The following JAKMIP1 variants were observed in gnomAD, a reference collection of about 807,000 sequenced individuals.
JAKMIP1 encodes janus kinase and microtubule-interacting protein 1.
A neutral mutation model predicts 113.0 loss-of-function variants in JAKMIP1; 33 were observed. The ratio of observed to expected loss-of-function variants is 0.29; its 90% CI spans 0.22 to 0.39. The LOEUF is 0.39. Ranked by LOEUF, JAKMIP1 falls within the 10% of genes least tolerant of loss-of-function variation. The pLI is 1.00. For synonymous variants in JAKMIP1, 480 were observed against 459.9 expected, an observed-to-expected ratio of 1.04 and a Z score of -0.56; for missense variants, 813 against 1,080.5, an observed-to-expected ratio of 0.75 and a Z score of 3.47.
At position 6,138,484 on chromosome 4, in the gene JAKMIP1, G is replaced by T. The variant is rs964249742; in HGVS notation, c.-147-25487C>A. Among the ~76,000 whole-genome samples the T allele has an allele frequency of 6.6e-6, 1 of 151,662 alleles. No individual in the cohort carries two copies. Among genetic ancestry groups the T allele is most frequent in the Non-Finnish European group, 1.5e-5 (1 of 68,018 alleles). On this transcript the variant is annotated intron_variant, in intron 1 of 20. Coordinates refer to ENST00000409021, the MANE Select transcript of JAKMIP1 (RefSeq NM_001099433.2). This position sits in a 1 kb window ranked among gnomAD's most constrained non-coding sequence, Gnocchi z 6.0. Reference sequence around the variant, plus strand: ...ACTCCTGACCTCACGTGATCCACCTGCCTCGGCCTCCCAAAATGCTGGGAT... The same window carrying T: ...ACTCCTGACCTCACGTGATCCACCTTCCTCGGCCTCCCAAAATGCTGGGAT...
At position 6,065,878 on chromosome 4, in the gene JAKMIP1, T is replaced by C. The variant is rs1200481572; in HGVS notation, c.1303-870A>G. On this transcript the variant is annotated intron_variant, in intron 8 of 20. Transcript: ENST00000409021. This position sits in a 1 kb window ranked among gnomAD's most constrained non-coding sequence, Gnocchi z 5.1. ...CACGGGGCAGGCCTGGGGAATACAA[T>C]AGGATCATAACCAGGCCAGGTCCCT... is the stretch of plus-strand genomic sequence containing the variant. 1.3e-5 allele frequency among the ~76,000 whole-genome samples: 2 copies of C among 152,232 alleles called. No homozygotes were observed. The highest frequency in any genetic ancestry group is 1.9e-4 in the East Asian group (1 of 5,168).
Position 6,167,185 on chromosome 4 carries a change from T to C in JAKMIP1, c.-148+33068A>G, listed in dbSNP as rs1367427513. Among the ~76,000 whole-genome samples the C allele has an allele frequency of 6.6e-6, 1 of 152,170 alleles. No homozygotes were observed. The highest frequency in any genetic ancestry group is 1.5e-5 in the Non-Finnish European group (1 of 68,026). ...GGCCCTGCCTCCGCAAAGAGCACGA[T>C]GTTCTGGCCACTCATCCAGACCCAG... On this transcript the variant is annotated intron_variant, in intron 1 of 20. Transcript: ENST00000409021. This position sits in a 1 kb window ranked among gnomAD's most constrained non-coding sequence, Gnocchi z 5.3.
chr4:6,147,560 T>C (rs1721008774), intron 1 of JAKMIP1, among the ~76,000 whole-genome samples: 1 of 152,162 alleles, frequency 6.6e-6, no homozygotes. Context: ...TATGACTAGA[T>C]GGCTCCAAAC....
Position 6,106,441 on chromosome 4 carries a change from A to C in JAKMIP1, c.130-474T>G, listed in dbSNP as rs376146692. ...ACCATTCTTGTTGAGTGGGGTCCCT[A>C]GCTGGGCTGGGGGCTCCAATGCATC... On this transcript the variant is annotated intron_variant, in intron 2 of 20. Transcript: ENST00000409021. This position sits in a 1 kb window ranked among gnomAD's most constrained non-coding sequence, Gnocchi z 5.9. Among the ~76,000 whole-genome samples the C allele has an allele frequency of 2.7e-4, 41 of 152,160 alleles. No homozygotes were observed. In the East Asian group the frequency reaches 5.0e-3, roughly 19 times the overall value.
rs1717752035 is a variant in JAKMIP1 at position 6,064,395 on chromosome 4, G to T, written c.1431+485C>A. Among the ~76,000 whole-genome samples the T allele has an allele frequency of 6.6e-6, 1 of 152,198 alleles. No individual in the cohort carries two copies. The highest frequency in any genetic ancestry group is 1.5e-5 in the Non-Finnish European group (1 of 68,048). Reference sequence around the variant, plus strand: ...GACAGGGTGAGGCGGTGACCTTGGGGTGATGGGACTTCAGGGCTCTTCACC... The same window carrying T: ...GACAGGGTGAGGCGGTGACCTTGGGTTGATGGGACTTCAGGGCTCTTCACC... On this transcript the variant is annotated intron_variant, in intron 9 of 20. Coordinates refer to ENST00000409021, the MANE Select transcript of JAKMIP1 (RefSeq NM_001099433.2). This position sits in a 1 kb window ranked among gnomAD's most constrained non-coding sequence, Gnocchi z 4.3.
intron 3 of JAKMIP1, among the ~76,000 whole-genome samples, chr4:6,090,371 C>CT (rs1200207927): frequency 2.0e-5 from 3 of 152,198 alleles, no homozygotes; most frequent in African/African-American, 7.2e-5. Flanking sequence ...CCAGAAAACA[C>CT]TTTCACCCTA....
intron 1 of JAKMIP1, among the ~76,000 whole-genome samples, chr4:6,148,831 GC>G (rs1464410086): frequency 6.6e-6 from 1 of 152,260 alleles, no homozygotes; most frequent in African/African-American, 2.4e-5. Flanking sequence ...CCTAGAAGAA[GC>G]CCCCGTTTTA....
rs1015621888 is a variant in JAKMIP1 at position 6,061,442 on chromosome 4, A to T, written c.1560+870T>A. On this transcript the variant is annotated intron_variant, in intron 10 of 20. Coordinates refer to ENST00000409021, the MANE Select transcript of JAKMIP1 (RefSeq NM_001099433.2). The surrounding 1 kb of genome is among the most constrained non-coding windows in gnomAD (Gnocchi z 5.3). Reference sequence around the variant, plus strand: ...CTCTCCTCTCTGCCTTTGCCATCAGATTTGCCAGGCAATGCCCCATTCTGG... The same window carrying T: ...CTCTCCTCTCTGCCTTTGCCATCAGTTTTGCCAGGCAATGCCCCATTCTGG... Among the ~76,000 whole-genome samples the T allele has an allele frequency of 5.3e-5, 8 of 152,036 alleles. No homozygotes were observed. The highest frequency in any genetic ancestry group is 1.9e-4 in the African/African-American group (8 of 41,380).
rs1715483564 is a variant in JAKMIP1, at chr4:6,050,217, C to T, written c.1909-345G>A. Reference sequence around the variant, plus strand: ...CTACAGAACCTTGCTGCATGCCAGGCAGAGGGCCAGGCACTTGGAGTCTGT... The same window carrying T: ...CTACAGAACCTTGCTGCATGCCAGGTAGAGGGCCAGGCACTTGGAGTCTGT... On this transcript the variant is annotated intron_variant, in intron 14 of 20. Transcript: ENST00000409021. The surrounding 1 kb of genome is among the most constrained non-coding windows in gnomAD (Gnocchi z 7.4). Among the ~76,000 whole-genome samples the T allele has an allele frequency of 6.6e-6, 1 of 152,204 alleles. No individual in the cohort carries two copies. The highest frequency in any genetic ancestry group is 1.5e-5 in the Non-Finnish European group (1 of 68,044).
At chr4:6,117,098 C>T (rs969135874) in intron 1 of JAKMIP1, among the ~76,000 whole-genome samples, 2 of 152,206 alleles carry the variant, frequency 1.3e-5, no homozygotes, top group Admixed American at 6.5e-5. Context: ...AGCTCGTGTG[C>T]CCGTGAAGCT....
intron 2 of JAKMIP1, among the ~76,000 whole-genome samples, chr4:6,111,047 G>A (rs1469865945): frequency 6.6e-6 from 1 of 152,022 alleles, no homozygotes; most frequent in Non-Finnish European, 1.5e-5. Context: ...AGGTGCATCT[G>A]TCCCCAAGTT....
At chr4:6,172,350 A>C (rs1724827890) in intron 1 of JAKMIP1, among the ~76,000 whole-genome samples, 1 of 152,184 alleles carries the variant, frequency 6.6e-6, no homozygotes, top group Non-Finnish European at 1.5e-5. Flanking sequence ...TAACATTAAT[A>C]AATCCCAGCT....
chr4:6,045,301 A>G (rs990826918), intron 16 of JAKMIP1, among the ~76,000 whole-genome samples: 5 of 152,150 alleles, frequency 3.3e-5, no homozygotes, highest in African/African-American at 1.2e-4. Flanking sequence ...TATGACTGCT[A>G]TGATTTATAA....
intron 1 of JAKMIP1, among the ~76,000 whole-genome samples, chr4:6,189,989 A>G (rs934316491): frequency 1.1e-4 from 17 of 152,154 alleles, no homozygotes; most frequent in Non-Finnish European, 2.2e-4. Flanking sequence ...GGAGAGAAGA[A>G]AGCCCCATTA....
intron 1 of JAKMIP1, among the ~76,000 whole-genome samples, chr4:6,163,246 T>C (rs1723179391): frequency 6.6e-6 from 1 of 152,230 alleles, no homozygotes; most frequent in Non-Finnish European, 1.5e-5. Context: ...AACCCTGTGA[T>C]GAGCAAGTCT....
Position 6,081,780 on chromosome 4 carries a change from G to A in JAKMIP1, c.955-25C>T. ...GCTGTGGTTGGAAACAGACACAGAG[G>A]CTCAGACAACTTGACGACGGACGGC... On this transcript the variant is annotated intron_variant, in intron 5 of 20. Transcript: ENST00000409021. This position sits in a 1 kb window ranked among gnomAD's most constrained non-coding sequence, Gnocchi z 4.6. 6.2e-7 allele frequency: 1 copy of A among 1,613,928 alleles called. No homozygotes were observed. The highest frequency in any genetic ancestry group is 1.1e-5 in the South Asian group (1 of 91,052).
intron 1 of JAKMIP1, among the ~76,000 whole-genome samples, chr4:6,149,672 A>G (rs1037539000): frequency 6.6e-6 from 1 of 152,036 alleles, no homozygotes; most frequent in South Asian, 2.1e-4. Flanking sequence ...TCCAAAGTAT[A>G]TCAAGTTCCC....
At chr4:6,126,197 A>C (rs568179655) in intron 1 of JAKMIP1, among the ~76,000 whole-genome samples, 19 of 149,140 alleles carry the variant, frequency 1.3e-4, no homozygotes, top group Non-Finnish European at 2.7e-4. Flanking sequence ...AAACACACAT[A>C]CACAAACACA....
Position 6,086,177 on chromosome 4 carries a change from C to T in JAKMIP1, c.625-548G>A, listed in dbSNP as rs1477206838. Among the ~76,000 whole-genome samples, 1 of 152,134 alleles carries T rather than the reference C, an allele frequency of 6.6e-6. No individual in the cohort carries two copies. Among genetic ancestry groups the T allele is most frequent in the Non-Finnish European group, 1.5e-5 (1 of 68,024 alleles). ...CCACTCCCAGACTCACGACCTCCTG[C>T]TCCCTCTCCCCAAGGCCACTTCCCA... On this transcript the variant is annotated intron_variant, in intron 3 of 20. Transcript: ENST00000409021. This position sits in a 1 kb window ranked among gnomAD's most constrained non-coding sequence, Gnocchi z 4.1.
Sources: gnomAD v4.1 joint callset for allele counts (sites outside exome capture counted in the v4.1 genomes callset) on GRCh38, gnomAD v4.1.1 for gene constraint, Gnocchi (gnomAD v3.1) non-coding constraint, MANE v1.5 for transcripts, NCBI Gene and HGNC (gene_info 2026-07-23, HGNC 2026-07-21) for gene names.